The following ANAPC4 variants were observed in gnomAD, a reference collection of about 807,000 sequenced individuals.
ANAPC4 encodes anaphase-promoting complex subunit 4.
ANAPC4 carries 63 observed loss-of-function variants against 119.8 expected under a neutral mutation model. The observed-to-expected ratio is 0.53, with a 90% CI of 0.43 to 0.65. The LOEUF (loss-of-function observed/expected upper bound fraction) is 0.65. ANAPC4 is among the 30% of genes least tolerant of loss of function. The pLI is 0.00. For missense variants in ANAPC4, 716 were observed against 945.1 expected (o/e 0.76, Z 3.18); for synonymous variants, 283 against 318.6 (o/e 0.89, Z 1.19).
intron 22 of ANAPC4, 149 bp from the exon 23 acceptor site, chr4:25,414,175 C>A (rs560990883): frequency 8.7e-6 from 5 of 572,136 alleles, no homozygotes; most frequent in South Asian, 3.1e-5. Context: ...CTTACTGTTA[C>A]AATTGTCATT....
intron 20 of ANAPC4, among the ~76,000 whole-genome samples, chr4:25,409,324 A>G (rs1723439715): frequency 6.6e-6 from 1 of 152,370 alleles, no homozygotes; most frequent in East Asian, 1.9e-4. Context: ...TGTGATCTCT[A>G]CATCTACAAC....
At position 25,394,817 on chromosome 4, in the gene ANAPC4, T is replaced by C; in HGVS notation, c.985-12T>C. On this transcript the variant is annotated splice_polypyrimidine_tract_variant and intron_variant, in intron 13 of 28. Transcript: ENST00000315368. ...TGATTGTATGCTAAATATATTTTCC[T>C]TTTTTAATTAGGGCTTGAAAAAGCT... The C allele has an allele frequency of 6.2e-7, 1 of 1,608,434 alleles. No homozygotes were observed. Among genetic ancestry groups the C allele is most frequent in the Non-Finnish European group, 8.5e-7 (1 of 1,178,024 alleles).
chr4:25,399,131 ATGT>A (rs2109128850), intron 16 of ANAPC4, among the ~76,000 whole-genome samples: 1 of 152,182 alleles, frequency 6.6e-6, no homozygotes, highest in Admixed American at 6.5e-5. Flanking sequence ...ATGTGAGAGT[ATGT>A]TGTTTATATC....
intron 10 of ANAPC4, among the ~76,000 whole-genome samples, chr4:25,393,144 G>A (rs1465539160): frequency 6.6e-6 from 1 of 152,118 alleles, no homozygotes; most frequent in African/African-American, 2.4e-5. Flanking sequence ...TGATATTAAA[G>A]GTTTCTAGAG....
At chr4:25,395,126 G>C (rs1280493278) in intron 14 of ANAPC4, 15 of 437,162 alleles carry the variant, frequency 3.4e-5, no homozygotes, top group Non-Finnish European at 5.6e-5. Flanking sequence ...CACCAGGCTA[G>C]ACTCTATCTG....
intron 20 of ANAPC4, 122 bp downstream of exon 20, chr4:25,407,375 G>C (rs1441815673): frequency 1.4e-5 from 9 of 651,722 alleles, no homozygotes; most frequent in African/African-American, 5.7e-5. Context: ...AATTAACAAA[G>C]AGCAGCAGTT....
rs1261101050 is a variant in ANAPC4 at position 25,394,689 on chromosome 4, C to A, written c.960C>A (p.Leu320=). The part of the protein sequence containing the change: ...WGKASAELQT[L]LMNQLTVKGL... ...ATTGTAGTGCTGAACTTCAGACTCT[C>A]TTGATGAATCAGTTAACAGTAAAGG... Residue 320 remains leucine, a synonymous_variant, in exon 13 of 29, where the codon CTC becomes CTA. Coordinates refer to ENST00000315368, the MANE Select transcript of ANAPC4 (RefSeq NM_013367.3). The A allele has an allele frequency of 6.2e-7, 1 of 1,603,018 alleles. No individual in the cohort carries two copies. Among genetic ancestry groups the A allele is most frequent in the Non-Finnish European group, 8.5e-7 (1 of 1,177,074 alleles).
chr4:25,407,608 GA>G (rs1047936279), intron 20 of ANAPC4, among the ~76,000 whole-genome samples: 268 of 143,762 alleles, frequency 1.9e-3, no homozygotes, highest in South Asian at 7.2e-3. Context: ...TCTCAAAAAA[GA>G]AAAAAAAAAA....
At chr4:25,409,647 T>C in intron 20 of ANAPC4, 51 bp from the exon 21 acceptor site, 1 of 1,387,170 alleles carries the variant, frequency 7.2e-7, no homozygotes, top group African/African-American at 1.5e-5. Flanking sequence ...TCTTTTTCCA[T>C]TTTCCCTTCC....
At chr4:25,380,707 A>G (rs1420920325) in intron 3 of ANAPC4, 1 of 364,390 alleles carries the variant, frequency 2.7e-6, no homozygotes, top group African/African-American at 2.1e-5. Flanking sequence ...GCTTCTTGGC[A>G]AAGATAACTC....
intron 10 of ANAPC4, among the ~76,000 whole-genome samples, chr4:25,392,792 A>G (rs1722425302): frequency 1.3e-5 from 2 of 152,172 alleles, no homozygotes; most frequent in Admixed American, 1.3e-4. Flanking sequence ...CTTAGCCAAG[A>G]TGTTTGGGTG....
In ANAPC4 at chr4:25,414,461, T is replaced by G; in HGVS notation, c.1686-5T>G. On this transcript the variant is annotated splice_region_variant and splice_polypyrimidine_tract_variant and intron_variant, in intron 23 of 28. Coordinates refer to ENST00000315368, the MANE Select transcript of ANAPC4 (RefSeq NM_013367.3). The stretch of plus-strand genomic sequence containing the variant: ...TTTCTCATTTCTTTTTCCCTTTTAT[T>G]TTAGTGAGGATTCTACACGTAGATT... 6.2e-7 allele frequency: 1 copy of G among 1,600,940 alleles called. No homozygotes were observed. Among genetic ancestry groups the G allele is most frequent in the Non-Finnish European group, 8.5e-7 (1 of 1,170,564 alleles).
chr4:25,403,041 T>C lies in ANAPC4; in HGVS notation c.1270+15T>C. 1 of 1,587,478 alleles carries C rather than the reference T, an allele frequency of 6.3e-7. No homozygotes were observed. Among genetic ancestry groups the C allele is most frequent in the Non-Finnish European group, 8.6e-7 (1 of 1,161,396 alleles). On this transcript the variant is annotated intron_variant, in intron 17 of 28. Transcript: ENST00000315368. ...GCTTTATGTGGGTAAGTTAATTGAG[T>C]GAAGCATTTTTATTTTAACACTTTA... is the stretch of plus-strand genomic sequence containing the variant.
At chr4:25,415,373 T>C (rs1002672951) in intron 25 of ANAPC4, 93 bp from the exon 26 acceptor site, 80 of 949,960 alleles carry the variant, frequency 8.4e-5, no homozygotes, top group Non-Finnish European at 1.2e-4. Context: ...GTACATGTAC[T>C]GACCCTGACA....
At chr4:25,391,145 T>C in intron 9 of ANAPC4, 130 bp downstream of exon 9, 1 of 624,740 alleles carries the variant, frequency 1.6e-6, no homozygotes, top group Non-Finnish European at 2.7e-6. Flanking sequence ...TTGGAATTTC[T>C]ACATCCTAAT....
rs1197012954 is a variant in ANAPC4 at position 25,413,563 on chromosome 4, C to T, written c.1526-82C>T. 3 of 1,027,570 alleles carry T rather than the reference C, an allele frequency of 2.9e-6. No homozygotes were observed. In the African/African-American group the frequency reaches 4.9e-5, roughly 17 times the overall value. 63.7% of individuals were successfully genotyped at this position (1,027,570 alleles called of 1,614,324 possible). ...CCTCGAGATAAACTGTGCAGACTGG[C>T]TCTAACAGTAGATTATTTTCTTCTA... On this transcript the variant is annotated intron_variant, in intron 21 of 28. Transcript: ENST00000315368.
At chr4:25,403,321 G>A (rs145602207) in intron 17 of ANAPC4, among the ~76,000 whole-genome samples, 1,845 of 152,046 alleles carry the variant, frequency 0.012, 44 homozygotes, top group African/African-American at 0.042. Context: ...AATTTGTAAA[G>A]ATCAAATCAG....
chr4:25,380,603 C>A, intron 3 of ANAPC4, 124 bp downstream of exon 3: 1 of 576,648 alleles, frequency 1.7e-6, no homozygotes, highest in Non-Finnish European at 2.7e-6. Flanking sequence ...ACTTTGGGAA[C>A]TTTTTAAAAA....
At chr4:25,408,814 C>T (rs1485146690) in intron 20 of ANAPC4, among the ~76,000 whole-genome samples, 1 of 152,110 alleles carries the variant, frequency 6.6e-6, no homozygotes, top group African/African-American at 2.4e-5. Flanking sequence ...TTGCTTTTAA[C>T]ATAAGTGCTT....
Sources: gnomAD v4.1 joint callset for allele counts (sites outside exome capture counted in the v4.1 genomes callset) on GRCh38, gnomAD v4.1.1 for gene constraint, MANE v1.5 for transcripts, NCBI Gene and HGNC (gene_info 2026-07-23, HGNC 2026-07-21) for gene names.